Variants in MGAT5 observed in about 807,000 individuals in gnomAD.
MGAT5 encodes the protein alpha-1,6-mannosylglycoprotein 6-beta-N-acetylglucosaminyltransferase A.
In MGAT5, 30 loss-of-function variants were observed where a neutral mutation model predicts 94.3. The ratio of observed to expected loss-of-function variants is 0.32; its 90% CI spans 0.24 to 0.43. MGAT5 has a LOEUF of 0.43. Among genes scored for constraint, MGAT5 ranks in the 20% least tolerant of loss-of-function variants. The pLI, the probability that MGAT5 is intolerant of heterozygous loss-of-function variation, is 1.00. For synonymous variants in MGAT5, 310 were observed against 322.9 expected (o/e 0.96, Z 0.43); for missense variants, 691 against 905.5 (o/e 0.76, Z 3.04).
chr2:134,169,734 A>C (rs1291440469), intron 1 of MGAT5, among the ~76,000 whole-genome samples: 1 of 152,158 alleles, frequency 6.6e-6, no homozygotes, highest in Non-Finnish European at 1.5e-5. Context: ...GCTCTGCAGG[A>C]AATGATATTT....
At chr2:134,177,370 G>T (rs1688528169) in intron 1 of MGAT5, among the ~76,000 whole-genome samples, 2 of 152,116 alleles carry the variant, frequency 1.3e-5, no homozygotes, top group African/African-American at 2.4e-5. Context: ...GGCCTGGGGG[G>T]ATCTGATGGA....
At chr2:134,202,746 A>G (rs1327494718) in intron 1 of MGAT5, among the ~76,000 whole-genome samples, 1 of 152,240 alleles carries the variant, frequency 6.6e-6, no homozygotes, top group Non-Finnish European at 1.5e-5. Flanking sequence ...CTATACGGCC[A>G]ATTGTCTCCT....
intron 9 of MGAT5, among the ~76,000 whole-genome samples, chr2:134,361,817 G>A (rs753622994): frequency 2.0e-5 from 3 of 152,146 alleles, no homozygotes; most frequent in Non-Finnish European, 4.4e-5. Flanking sequence ...CTCCTGTTAT[G>A]TAGCTGGGTG....
chr2:134,333,393 A>T (rs990019514), intron 4 of MGAT5, among the ~76,000 whole-genome samples: 1 of 130,654 alleles, frequency 7.7e-6, no homozygotes, highest in African/African-American at 2.9e-5. Flanking sequence ...ATGAGAACAC[A>T]TGGACACAGG....
chr2:134,251,250 A>G (rs1682572721), upstream of MGAT5, among the ~76,000 whole-genome samples: 1 of 151,818 alleles, frequency 6.6e-6, no homozygotes. Flanking sequence ...CCTAGTTCGT[A>G]ATGTGGCTGT....
chr2:134,218,949 G>T (rs144010145), intron 1 of MGAT5, among the ~76,000 whole-genome samples: 4 of 152,304 alleles, frequency 2.6e-5, no homozygotes, highest in African/African-American at 4.8e-5. Context: ...CTTAAAGGCT[G>T]TGTATCATTT....
At chr2:134,167,054 A>G (rs1180309286) in intron 1 of MGAT5, among the ~76,000 whole-genome samples, 1 of 152,230 alleles carries the variant, frequency 6.6e-6, no homozygotes, top group African/African-American at 2.4e-5. Context: ...ATTACGAGGA[A>G]CACATTATGG....
At position 134,380,583 on chromosome 2, in the gene MGAT5, C is replaced by T. The variant is rs562820496; in HGVS notation, c.1380+18175C>T. ...AGCTTCCGTTTCTTCATCTGTTACCCGGCAGGTTCACTGTGAAGCTCTCAT... is the reference window on the plus strand; with the variant it reads ...AGCTTCCGTTTCTTCATCTGTTACCTGGCAGGTTCACTGTGAAGCTCTCAT... On this transcript the variant is annotated intron_variant, in intron 10 of 15. Coordinates refer to ENST00000281923, the MANE Select transcript of MGAT5 (RefSeq NM_002410.5). 5.4e-4 allele frequency among the ~76,000 whole-genome samples: 83 copies of T among 152,302 alleles called. 1 individual carries two copies. In the South Asian group the frequency reaches 0.012, roughly 21 times the overall value.
chr2:134,304,782 C>T (rs1686231621), intron 2 of MGAT5, among the ~76,000 whole-genome samples: 1 of 152,152 alleles, frequency 6.6e-6, no homozygotes, highest in Non-Finnish European at 1.5e-5. Context: ...TGCTATGTTG[C>T]CCAGGCTGGT....
chr2:134,322,531 C>A (rs543770537), intron 4 of MGAT5, among the ~76,000 whole-genome samples: 1 of 152,272 alleles, frequency 6.6e-6, no homozygotes, highest in Admixed American at 6.5e-5. Context: ...CATTTCTGGA[C>A]ATGATACTTG....
At chr2:134,337,653 T>C (rs1455224758) in intron 5 of MGAT5, among the ~76,000 whole-genome samples, 2 of 152,218 alleles carry the variant, frequency 1.3e-5, no homozygotes, top group African/African-American at 4.8e-5. Context: ...AGGAAAAATA[T>C]TCTTCCTGGC....
intron 4 of MGAT5, among the ~76,000 whole-genome samples, chr2:134,322,771 C>T (rs533532580): frequency 1.6e-4 from 24 of 152,210 alleles, no homozygotes; most frequent in Non-Finnish European, 2.9e-4. Flanking sequence ...CTGAAACCTG[C>T]GTTTTTATTT....
chr2:134,281,800 G>A (rs1327326169), intron 2 of MGAT5, among the ~76,000 whole-genome samples: 2 of 152,228 alleles, frequency 1.3e-5, no homozygotes, highest in Admixed American at 1.3e-4. Flanking sequence ...TATGTTAATA[G>A]AACCTTCTCG....
chr2:134,349,840 A>G lies in MGAT5; in HGVS notation c.1148A>G (p.Glu383Gly). 6.2e-7 allele frequency: 1 copy of G among 1,613,584 alleles called. No homozygotes were observed. ...CGAGTCCTTGATTCATTTGGTACTG[A>G]ACCCGAATTTAATCATGCAAATTAT... ...MLRVLDSFGTEPEFNHANYAQ... is the reference protein window; with the variant it reads ...MLRVLDSFGTGPEFNHANYAQ... Residue 383 changes from glutamate (E) to glycine (G), a missense_variant, in exon 9 of 16, where the codon GAA (glutamate) becomes GGA (glycine). Around this residue, in one of 4 missense-constraint regions of MGAT5, gnomAD observed 121 missense variants for 206.1 expected, o/e 0.59. Coordinates refer to ENST00000281923, the MANE Select transcript of MGAT5 (RefSeq NM_002410.5).
chr2:134,189,607 T>TTTTGTTTTGTTTTTG (rs1553490427), intron 1 of MGAT5, among the ~76,000 whole-genome samples: 1 of 80,618 alleles, frequency 1.2e-5, no homozygotes, highest in East Asian at 2.8e-4. Flanking sequence ...TTTTTGTTTT[T>TTTTGTTTTGTTTTTG]TTTTTTTTTT....
chr2:134,343,858 T>C (rs973693752), intron 7 of MGAT5, among the ~76,000 whole-genome samples: 5 of 152,166 alleles, frequency 3.3e-5, no homozygotes, highest in African/African-American at 1.2e-4. Flanking sequence ...AACGGGAGAA[T>C]GGGCCAGTTG....
At chr2:134,188,570 T>G (rs1465475030) in intron 1 of MGAT5, among the ~76,000 whole-genome samples, 1 of 152,238 alleles carries the variant, frequency 6.6e-6, no homozygotes, top group African/African-American at 2.4e-5. Flanking sequence ...AGATTGTTGG[T>G]CATTAACAGT....
At position 134,284,896 on chromosome 2, in the gene MGAT5, C is replaced by G. The variant is rs775741846; in HGVS notation, c.406+14346C>G. Among the ~76,000 whole-genome samples, 21 of 152,120 alleles carry G rather than the reference C, an allele frequency of 1.4e-4. 1 individual carries two copies. The highest frequency in any genetic ancestry group is 6.5e-5 in the Admixed American group (1 of 15,272). ...TTAAAGATGAAAATAGTTTAAGGCTCAAGAGTGGAAGGTAATCTAAGAGTC... is the reference window on the plus strand; with the variant it reads ...TTAAAGATGAAAATAGTTTAAGGCTGAAGAGTGGAAGGTAATCTAAGAGTC... On this transcript the variant is annotated intron_variant, in intron 2 of 15. Transcript: ENST00000281923.
At chr2:134,157,403 G>T (rs1254839638) in intron 1 of MGAT5, among the ~76,000 whole-genome samples, 1 of 152,138 alleles carries the variant, frequency 6.6e-6, no homozygotes, top group Non-Finnish European at 1.5e-5. Flanking sequence ...CAAAGTGCTT[G>T]GGGGTTTAGT....
Sources: gnomAD v4.1 joint callset for allele counts (sites outside exome capture counted in the v4.1 genomes callset) on GRCh38, gnomAD v4.1.1 for gene constraint, gnomAD v4.1.1 regional missense constraint, MANE v1.5 for transcripts, NCBI Gene and HGNC (gene_info 2026-07-23, HGNC 2026-07-21) for gene names.